The following PRKG1 variants were observed in gnomAD, a reference collection of about 807,000 sequenced individuals.
PRKG1 encodes cGMP-dependent protein kinase 1.
Under a neutral mutation model 88.1 loss-of-function variants are expected in PRKG1, and 35 were observed. The observed-to-expected ratio is 0.40, with a 90% CI of 0.30 to 0.53. The LOEUF is 0.53. Among genes scored for constraint, PRKG1 ranks in the 20% least tolerant of loss-of-function variants. The pLI, the probability that PRKG1 is intolerant of heterozygous loss-of-function variation, is 0.59. For synonymous variants in PRKG1, 303 were observed against 292.5 expected (o/e 1.04, Z -0.37); for missense variants, 540 against 839.8 (o/e 0.64, Z 4.41).
intron 4 of PRKG1, among the ~76,000 whole-genome samples, chr10:51,839,238 G>A (rs776479268): frequency 3.9e-5 from 6 of 152,112 alleles, no homozygotes; most frequent in Non-Finnish European, 7.4e-5. Context: ...TTTATTAAGT[G>A]CATATTTGTT....
rs757046637 is a variant in PRKG1 at position 52,133,951 on chromosome 10, A to G, written c.1001+46A>G. 8 of 1,440,326 alleles carry G rather than the reference A, an allele frequency of 5.6e-6. No individual in the cohort carries two copies. The Admixed American group carries it at 1.4e-4, about 25-fold the overall frequency. 89.2% of individuals were successfully genotyped at this position (1,440,326 alleles called of 1,614,324 possible). ...TGTGAATTACACACTCATATCAGCA[A>G]CACACATGAGTTCTTGGAATTAGAC... On this transcript the variant is annotated intron_variant, in intron 8 of 17. Coordinates refer to ENST00000373980, the MANE Select transcript of PRKG1 (RefSeq NM_006258.4).
chr10:52,157,208 C>T (rs1315889925), intron 8 of PRKG1, among the ~76,000 whole-genome samples: 2 of 130,054 alleles, frequency 1.5e-5, no homozygotes, highest in South Asian at 5.6e-4. Context: ...AACTCATACA[C>T]TGTATATACA....
intron 3 of PRKG1, among the ~76,000 whole-genome samples, chr10:51,524,587 G>C (rs1012243783): frequency 2.0e-5 from 3 of 152,014 alleles, no homozygotes; most frequent in Non-Finnish European, 4.4e-5. Flanking sequence ...TAGCTCTTGT[G>C]CCATACAAAC....
intron 14 of PRKG1, among the ~76,000 whole-genome samples, chr10:52,287,782 A>G (rs1564546738): frequency 6.6e-6 from 1 of 151,882 alleles, no homozygotes; most frequent in East Asian, 1.9e-4. Context: ...GAGGATGCCT[A>G]GTGTTAAATT....
intron 7 of PRKG1, among the ~76,000 whole-genome samples, chr10:52,126,685 C>A (rs1237126032): frequency 6.6e-6 from 1 of 152,018 alleles, no homozygotes; most frequent in Non-Finnish European, 1.5e-5. Flanking sequence ...TGTTCTTATC[C>A]TTTAAAAATG....
At chr10:51,774,931 A>G (rs967549303) in intron 3 of PRKG1, among the ~76,000 whole-genome samples, 1 of 152,166 alleles carries the variant, frequency 6.6e-6, no homozygotes, top group Non-Finnish European at 1.5e-5. Flanking sequence ...TTTTAGGAAT[A>G]TTGTTAGTAA....
chr10:51,970,312 C>G (rs1174386022), intron 5 of PRKG1, among the ~76,000 whole-genome samples: 2 of 151,950 alleles, frequency 1.3e-5, no homozygotes, highest in East Asian at 3.9e-4. Context: ...TCTTTTAGAT[C>G]ATGATCCAGT....
intron 2 of PRKG1, among the ~76,000 whole-genome samples, chr10:51,413,402 G>A (rs1255901697): frequency 6.6e-6 from 1 of 151,344 alleles, no homozygotes; most frequent in Non-Finnish European, 1.5e-5. Flanking sequence ...GTCTCTCCCT[G>A]TCACCCAGGC....
chr10:51,039,611 C>T (rs575786889), intron 1 of PRKG1, among the ~76,000 whole-genome samples: 22 of 151,404 alleles, frequency 1.5e-4, no homozygotes, highest in Non-Finnish European at 2.2e-4. Flanking sequence ...TGTCTTTTAA[C>T]GTGTCCATTT....
At position 51,552,496 on chromosome 10, in the gene PRKG1, T is replaced by G. The variant is rs902991156; in HGVS notation, c.592+84660T>G. 3.3e-5 allele frequency among the ~76,000 whole-genome samples: 5 copies of G among 151,630 alleles called. No homozygotes were observed. The South Asian group carries it at 6.2e-4, about 19-fold the overall frequency. ...CTCACATATAGTAGCTAGATCATGATTCTCAATGTCATTCAATCCAGATAA... is the reference window on the plus strand; with the variant it reads ...CTCACATATAGTAGCTAGATCATGAGTCTCAATGTCATTCAATCCAGATAA... On this transcript the variant is annotated intron_variant, in intron 3 of 17. Transcript: ENST00000373980.
At chr10:51,015,838 G>T (rs539192211) in intron 1 of PRKG1, among the ~76,000 whole-genome samples, 1 of 152,158 alleles carries the variant, frequency 6.6e-6, no homozygotes, top group Non-Finnish European at 1.5e-5. Context: ...AGTGAGCCGA[G>T]ATGGCGCCAT....
chr10:51,872,627 C>T (rs1841187896), intron 4 of PRKG1, among the ~76,000 whole-genome samples: 1 of 152,106 alleles, frequency 6.6e-6, no homozygotes, highest in East Asian at 1.9e-4. Flanking sequence ...GTTTTTTCCT[C>T]CATATTGTTA....
At chr10:51,808,497 G>A (rs1018424640) in intron 4 of PRKG1, among the ~76,000 whole-genome samples, 2 of 152,112 alleles carry the variant, frequency 1.3e-5, no homozygotes, top group Non-Finnish European at 2.9e-5. Context: ...CAGCTACTCA[G>A]GAGGCTGACG....
intron 3 of PRKG1, among the ~76,000 whole-genome samples, chr10:51,672,781 A>G (rs1589183531): frequency 6.6e-6 from 1 of 152,206 alleles, no homozygotes; most frequent in East Asian, 1.9e-4. Flanking sequence ...AAAACAACTA[A>G]CCAATTTGAC....
chr10:51,096,029 C>T (rs948619744), intron 1 of PRKG1, among the ~76,000 whole-genome samples: 4 of 152,036 alleles, frequency 2.6e-5, no homozygotes, highest in Non-Finnish European at 2.9e-5. Flanking sequence ...GTGTTATATG[C>T]TCCCATCAAA....
chr10:52,112,201 A>T (rs558343581), intron 7 of PRKG1, among the ~76,000 whole-genome samples: 1 of 152,126 alleles, frequency 6.6e-6, no homozygotes, highest in Non-Finnish European at 1.5e-5. Flanking sequence ...ACTCACTCCT[A>T]AGGTTTCTAC....
At position 51,426,093 on chromosome 10, in the gene PRKG1, T is replaced by C. The variant is rs189225864; in HGVS notation, c.479-41630T>C. ...GAGTTTGAGACCAGCCTGGCTAACA[T>C]GGTGAAACCCTATCTCTATTAAAAA... On this transcript the variant is annotated intron_variant, in intron 2 of 17. Transcript: ENST00000373980. Among the ~76,000 whole-genome samples the C allele has an allele frequency of 3.2e-3, 494 of 152,216 alleles. 3 individuals are homozygous for C. Among genetic ancestry groups the C allele is most frequent in the Admixed American group, 0.021 (328 of 15,298 alleles).
At chr10:51,651,459 A>C (rs2132314021) in intron 3 of PRKG1, among the ~76,000 whole-genome samples, 1 of 151,946 alleles carries the variant, frequency 6.6e-6, no homozygotes, top group South Asian at 2.1e-4. Context: ...TCCTCTAGGA[A>C]GTCTCCTTTG....
chr10:51,487,224 C>T (rs546616909), intron 3 of PRKG1, among the ~76,000 whole-genome samples: 86 of 152,240 alleles, frequency 5.6e-4, no homozygotes, highest in African/African-American at 1.9e-3. Flanking sequence ...TAAGCTTCTG[C>T]ATCTTGCAAT....
Sources: allele counts gnomAD v4.1 joint callset (sites outside exome capture counted in the v4.1 genomes callset), GRCh38; gene constraint gnomAD v4.1.1; transcripts MANE v1.5; gene names NCBI Gene and HGNC (gene_info 2026-07-23, HGNC 2026-07-21).